MAD1L1: variants seen among roughly 807,000 people sequenced by gnomAD.
MAD1L1 encodes mitotic arrest deficient 1 like 1.
In MAD1L1, 95 loss-of-function variants were observed where a neutral mutation model predicts 96.9. That is an observed-to-expected ratio of 0.98 (90% CI 0.83 to 1.16). The LOEUF (loss-of-function observed/expected upper bound fraction) is 1.16. MAD1L1 is among the 50% of genes most tolerant of loss of function. MAD1L1 has a pLI of 0.00. For missense variants in MAD1L1, 1,007 were observed against 954.4 expected (o/e 1.06, Z -0.73); for synonymous variants, 473 against 396.6 (o/e 1.19, Z -2.29).
At chr7:2,092,761 C>G (rs1366680091) in intron 11 of MAD1L1, among the ~76,000 whole-genome samples, 1 of 152,182 alleles carries the variant, frequency 6.6e-6, no homozygotes, top group Admixed American at 6.5e-5. Context: ...GTCCTCTTAA[C>G]AGTATCTTCC....
At chr7:1,847,700 G>A (rs569619042) in intron 18 of MAD1L1, 3 of 470,434 alleles carry the variant, frequency 6.4e-6, no homozygotes, top group South Asian at 4.6e-5. Context: ...CCTCAGCTCT[G>A]GGCAGGCCTG....
At chr7:1,958,655 TC>T (rs1475650042) in intron 15 of MAD1L1, among the ~76,000 whole-genome samples, 25 of 152,290 alleles carry the variant, frequency 1.6e-4, no homozygotes, top group African/African-American at 6.0e-4. Flanking sequence ...ATGCCTGCCA[TC>T]CAGTCAAAGA....
At chr7:1,919,951 C>T (rs1583788716) in intron 17 of MAD1L1, among the ~76,000 whole-genome samples, 2 of 152,122 alleles carry the variant, frequency 1.3e-5, no homozygotes, top group South Asian at 2.1e-4. Context: ...TTACCCACAC[C>T]CCTCCTCCAG....
intron 4 of MAD1L1, among the ~76,000 whole-genome samples, chr7:2,224,389 C>T (rs1184541093): frequency 6.6e-6 from 1 of 152,160 alleles, no homozygotes; most frequent in Non-Finnish European, 1.5e-5. Flanking sequence ...GCAAACGCCC[C>T]ACCTCTCAGG....
At chr7:2,042,315 A>ACACACAGG (rs1562631227) in intron 12 of MAD1L1, among the ~76,000 whole-genome samples, 3 of 148,604 alleles carry the variant, frequency 2.0e-5, no homozygotes, top group African/African-American at 7.3e-5. Context: ...ATGTGCACAG[A>ACACACAGG]CACACAGGCA....
Position 2,146,364 on chromosome 7 carries a change from C to T in MAD1L1, c.1073+2788G>A, listed in dbSNP as rs1054218015. 6.6e-6 allele frequency among the ~76,000 whole-genome samples: 1 copy of T among 150,794 alleles called. No individual in the cohort carries two copies. ...AGAGGGAGCACCGGGCACTGGGCTA[C>T]GAGGAACAGGGCAACGCCTCGAAGA... is the stretch of plus-strand genomic sequence containing the variant. On this transcript the variant is annotated intron_variant, in intron 11 of 18. Coordinates refer to ENST00000265854, the MANE Select transcript of MAD1L1 (RefSeq NM_001013836.2). The surrounding 1 kb of genome is among the most constrained non-coding windows in gnomAD (Gnocchi z 6.2).
At chr7:1,972,979 G>A (rs1356987102) in intron 15 of MAD1L1, among the ~76,000 whole-genome samples, 8 of 152,166 alleles carry the variant, frequency 5.3e-5, no homozygotes, top group Admixed American at 3.3e-4. Flanking sequence ...TTCTGTTACT[G>A]ACATCTAGTT....
intron 5 of MAD1L1, among the ~76,000 whole-genome samples, chr7:2,222,071 T>G (rs144731988): frequency 4.7e-5 from 7 of 148,566 alleles, no homozygotes; most frequent in Admixed American, 1.3e-4. Flanking sequence ...AAAAAAGTGC[T>G]TAACTTTTTT....
Position 1,816,234 on chromosome 7 carries a change from G to C in MAD1L1, c.1999-6C>G. Reference sequence around the variant, plus strand: ...GAACCCGAGGGGCTGGTGGCCTGCGGGGCAGTCAAGAAAGAGACAAGACAG... The same window carrying C: ...GAACCCGAGGGGCTGGTGGCCTGCGCGGCAGTCAAGAAAGAGACAAGACAG... On this transcript the variant is annotated splice_region_variant and splice_polypyrimidine_tract_variant and intron_variant, in intron 18 of 18. Coordinates refer to ENST00000265854, the MANE Select transcript of MAD1L1 (RefSeq NM_001013836.2). 1 of 1,611,108 alleles carries C rather than the reference G, an allele frequency of 6.2e-7. No individual in the cohort carries two copies. Among genetic ancestry groups the C allele is most frequent in the African/African-American group, 1.3e-5 (1 of 74,822 alleles).
At chr7:2,203,664 G>A (rs555616334) in intron 10 of MAD1L1, among the ~76,000 whole-genome samples, 182 of 152,306 alleles carry the variant, frequency 1.2e-3, no homozygotes, top group African/African-American at 4.3e-3. Context: ...ACCAGCCTGC[G>A]CTGGGGCCAA....
At chr7:2,086,818 T>G (rs3778954) in intron 11 of MAD1L1, among the ~76,000 whole-genome samples, 12,263 of 152,206 alleles carry the variant, frequency 0.081, 593 homozygotes, top group African/African-American at 0.13. Context: ...GCCTCCCAAA[T>G]TGCTGGGATT....
At chr7:2,164,772 G>A (rs1790343782) in intron 10 of MAD1L1, among the ~76,000 whole-genome samples, 1 of 152,212 alleles carries the variant, frequency 6.6e-6, no homozygotes, top group South Asian at 2.1e-4. Flanking sequence ...CCTGCTGTGT[G>A]CCCAGCAAGG....
intron 17 of MAD1L1, among the ~76,000 whole-genome samples, chr7:1,902,616 G>T (rs1787315372): frequency 6.6e-6 from 1 of 152,226 alleles, no homozygotes; most frequent in African/African-American, 2.4e-5. Context: ...CCCTTCCCCG[G>T]GGCCTGAGCT....
intron 13 of MAD1L1, among the ~76,000 whole-genome samples, chr7:2,004,592 G>C (rs1781948759): frequency 6.6e-6 from 1 of 152,244 alleles, no homozygotes. Context: ...AATCACTGCA[G>C]GGTGGAGCCG....
intron 11 of MAD1L1, among the ~76,000 whole-genome samples, chr7:2,134,511 A>G (rs2128570443): frequency 6.6e-6 from 1 of 152,346 alleles, no homozygotes; most frequent in South Asian, 2.1e-4. Flanking sequence ...TACGACAGCG[A>G]ATAGGAGTGG....
chr7:1,947,976 G>C (rs1054135886), intron 16 of MAD1L1, among the ~76,000 whole-genome samples: 1 of 152,238 alleles, frequency 6.6e-6, no homozygotes, highest in Non-Finnish European at 1.5e-5. Context: ...GGCCCAAGGA[G>C]GGACAGAGGC....
intron 15 of MAD1L1, among the ~76,000 whole-genome samples, chr7:1,963,917 A>G (rs1583931656): frequency 6.6e-6 from 1 of 152,182 alleles, no homozygotes. Flanking sequence ...CCTAGCACAC[A>G]CCTCCGGCAC....
intron 11 of MAD1L1, among the ~76,000 whole-genome samples, chr7:2,112,908 G>A (rs1787455413): frequency 6.6e-6 from 1 of 152,152 alleles, no homozygotes; most frequent in South Asian, 2.1e-4. Context: ...AAATCACAGG[G>A]CACGAGAGCC....
chr7:1,893,326 C>T (rs186358901), intron 18 of MAD1L1, among the ~76,000 whole-genome samples: 4 of 152,050 alleles, frequency 2.6e-5, no homozygotes, highest in East Asian at 1.9e-4. Context: ...GGGGACTGTG[C>T]GGCAAACCCT....
Sources: gnomAD v4.1 joint callset for allele counts (sites outside exome capture counted in the v4.1 genomes callset) on GRCh38, gnomAD v4.1.1 for gene constraint, Gnocchi (gnomAD v3.1) non-coding constraint, MANE v1.5 for transcripts, NCBI Gene and HGNC (gene_info 2026-07-23, HGNC 2026-07-21) for gene names.